The following BANK1 variants were observed in gnomAD, a reference collection of about 807,000 sequenced individuals.
BANK1 encodes B-cell scaffold protein with ankyrin repeats.
In BANK1, 95 loss-of-function variants were observed where a neutral mutation model predicts 94.5. That is an observed-to-expected ratio of 1.00 (90% CI 0.85 to 1.19). BANK1 has a LOEUF of 1.19. Ranked by LOEUF, BANK1 falls within the 50% of genes most tolerant of loss-of-function variation. The pLI, the probability that BANK1 is intolerant of heterozygous loss-of-function variation, is 0.00. For synonymous variants in BANK1, 334 were observed against 308.4 expected (o/e 1.08, Z -0.87); for missense variants, 987 against 932.2 (o/e 1.06, Z -0.77).
At chr4:101,924,678 C>T (rs1035619414) in intron 7 of BANK1, among the ~76,000 whole-genome samples, 5 of 151,744 alleles carry the variant, frequency 3.3e-5, no homozygotes, top group African/African-American at 1.2e-4. Flanking sequence ...AACTCAGACA[C>T]ATAAACAGAT....
intron 1 of BANK1, among the ~76,000 whole-genome samples, chr4:101,804,829 C>G (rs1725498693): frequency 6.6e-6 from 1 of 152,110 alleles, no homozygotes; most frequent in African/African-American, 2.4e-5. Flanking sequence ...TTCTAGTCAG[C>G]AGTAGTTGAG....
intron 4 of BANK1, among the ~76,000 whole-genome samples, chr4:101,863,053 T>C (rs1463566766): frequency 2.6e-5 from 4 of 151,912 alleles, no homozygotes. Flanking sequence ...TCTTTCTTTT[T>C]TCCCCCAAGT....
intron 5 of BANK1, 80 bp from the exon 6 acceptor site, chr4:101,895,225 A>AT (rs1212946591): frequency 7.0e-6 from 5 of 709,636 alleles, no homozygotes; most frequent in Non-Finnish European, 1.2e-5. Context: ...CAGTTAATAA[A>AT]TTTTTGTTAA....
Position 101,966,510 on chromosome 4 carries a change from G to C in BANK1, c.1206+48321G>C, listed in dbSNP as rs1475928760. Among the ~76,000 whole-genome samples, 7 of 152,096 alleles carry C rather than the reference G, an allele frequency of 4.6e-5. No individual in the cohort carries two copies. The East Asian group carries it at 1.2e-3, about 25-fold the overall frequency. On this transcript the variant is annotated intron_variant, in intron 7 of 16. Transcript: ENST00000322953. ...TAGTGCAATTTTTGAGTTTTTACAG[G>C]CTTCTAAAAGGGTAAAGAGGAAAAA...
chr4:102,011,500 C>T (rs1726511595), intron 7 of BANK1, among the ~76,000 whole-genome samples: 1 of 152,104 alleles, frequency 6.6e-6, no homozygotes, highest in Non-Finnish European at 1.5e-5. Flanking sequence ...ATATGAATAG[C>T]AACACCCTTC....
chr4:101,942,425 T>C (rs929364039), intron 7 of BANK1, among the ~76,000 whole-genome samples: 2 of 151,880 alleles, frequency 1.3e-5, no homozygotes, highest in Non-Finnish European at 2.9e-5. Context: ...AAGTCCTCTG[T>C]AGACGATTCT....
intron 11 of BANK1, among the ~76,000 whole-genome samples, chr4:102,055,546 T>G (rs1276483265): frequency 6.6e-6 from 1 of 152,028 alleles, no homozygotes; most frequent in Non-Finnish European, 1.5e-5. Flanking sequence ...AGGAGATACT[T>G]TCTCCATTAT....
chr4:101,979,506 A>T (rs1203770631), intron 7 of BANK1, among the ~76,000 whole-genome samples: 1 of 151,856 alleles, frequency 6.6e-6, no homozygotes, highest in African/African-American at 2.4e-5. Context: ...TTTTTTGAGA[A>T]TAAGTTGTTT....
chr4:101,827,913 C>T (rs1040985216), intron 1 of BANK1, among the ~76,000 whole-genome samples: 25 of 151,788 alleles, frequency 1.6e-4, no homozygotes, highest in African/African-American at 6.0e-4. Context: ...CTAATTTTAG[C>T]TATTATCTAT....
intron 6 of BANK1, among the ~76,000 whole-genome samples, chr4:101,913,604 A>T (rs568309095): frequency 6.6e-6 from 1 of 152,224 alleles, no homozygotes; most frequent in South Asian, 2.1e-4. Flanking sequence ...AGCCCTAGAT[A>T]AGAAGGCACT....
At chr4:101,874,194 C>G (rs1313924655) in intron 5 of BANK1, among the ~76,000 whole-genome samples, 1 of 151,970 alleles carries the variant, frequency 6.6e-6, no homozygotes, top group Admixed American at 6.6e-5. Flanking sequence ...ATGTATTATT[C>G]AATCTTTGAT....
intron 7 of BANK1, among the ~76,000 whole-genome samples, chr4:101,980,125 G>T (rs1725279795): frequency 6.6e-6 from 1 of 151,668 alleles, no homozygotes; most frequent in South Asian, 2.1e-4. Flanking sequence ...GTTTCTTCTT[G>T]TGAAGAAATT....
chr4:101,918,024 C>G lies in BANK1; in HGVS notation c.1041C>G (p.Leu347=). ...YTHFKELPTL[L]HCAAKFGLKN... ...ATTTCAAAGAACTTCCAACTCTTCT[C>G]CACTGTGCAGCAAAATTTGGCTTAA... The change falls in exon 7 of 17, where the codon CTC becomes CTG. Residue 347 remains leucine, a synonymous_variant. Transcript: ENST00000322953. 1.2e-6 allele frequency: 2 copies of G among 1,610,710 alleles called. No individual in the cohort carries two copies. Among genetic ancestry groups the G allele is most frequent in the Non-Finnish European group, 1.7e-6 (2 of 1,177,742 alleles).
Position 101,901,613 on chromosome 4 carries a change from G to A in BANK1, c.1009+6203G>A, listed in dbSNP as rs148843039. Reference sequence around the variant, plus strand: ...AAATACAAAGGACAGAATAGCAGATGCATCAAAAAAAAGTAACAGATTAGG... The same window carrying A: ...AAATACAAAGGACAGAATAGCAGATACATCAAAAAAAAGTAACAGATTAGG... On this transcript the variant is annotated intron_variant, in intron 6 of 16. Coordinates refer to ENST00000322953, the MANE Select transcript of BANK1 (RefSeq NM_017935.5). Among the ~76,000 whole-genome samples, 621 of 152,164 alleles carry A rather than the reference G, an allele frequency of 4.1e-3. 4 individuals are homozygous for A. Among genetic ancestry groups the A allele is most frequent in the African/African-American group, 0.014 (563 of 41,534 alleles).
At chr4:102,041,837 C>T (rs1727713261) in intron 10 of BANK1, among the ~76,000 whole-genome samples, 1 of 151,968 alleles carries the variant, frequency 6.6e-6, no homozygotes, top group African/African-American at 2.4e-5. Context: ...TTAACATTTA[C>T]TGTTATTTCA....
chr4:102,049,277 TGAAA>T (rs1314030457), intron 11 of BANK1, among the ~76,000 whole-genome samples: 1 of 152,224 alleles, frequency 6.6e-6, no homozygotes, highest in East Asian at 1.9e-4. Flanking sequence ...TCAAAAATGT[TGAAA>T]GAATTTAAGG....
intron 7 of BANK1, among the ~76,000 whole-genome samples, chr4:101,932,745 T>C (rs550391078): frequency 6.6e-6 from 1 of 151,594 alleles, no homozygotes; most frequent in South Asian, 2.1e-4. Context: ...TCTGGGAAAA[T>C]ATATACATGT....
chr4:101,986,899 G>GTGTA lies in BANK1; in HGVS notation c.1207-34614_1207-34613insGTAT, dbSNP rs1343197093. ...TGTGTGTGTGTGTGTGTGTGTGTGT[G>GTGTA]TATATATATATATATATATATATAT... On this transcript the variant is annotated intron_variant, in intron 7 of 16. Coordinates refer to ENST00000322953, the MANE Select transcript of BANK1 (RefSeq NM_017935.5). Among the ~76,000 whole-genome samples, 66 of 82,654 alleles carry GTGTA rather than the reference G, an allele frequency of 8.0e-4. 3 individuals are homozygous for GTGTA. The highest frequency in any genetic ancestry group is 1.4e-3 in the African/African-American group (21 of 15,544). The allele number at this position is 82,654 out of a possible 152,430, so 54.2% of individuals were successfully genotyped here. A position where few individuals can be genotyped will look rare whatever the true frequency, so the allele number is the denominator to read the frequency against.
At chr4:102,052,789 C>A (rs1305016119) in intron 11 of BANK1, among the ~76,000 whole-genome samples, 2 of 151,584 alleles carry the variant, frequency 1.3e-5, no homozygotes, top group Non-Finnish European at 1.5e-5. Flanking sequence ...AATGCAGGGG[C>A]CAAAAAAGAA....
Sources: gnomAD v4.1 joint callset for allele counts (sites outside exome capture counted in the v4.1 genomes callset) on GRCh38, gnomAD v4.1.1 for gene constraint, MANE v1.5 for transcripts, NCBI Gene and HGNC (gene_info 2026-07-23, HGNC 2026-07-21) for gene names.